The following C1GALT1C1L variants were observed in gnomAD, a reference collection of about 807,000 sequenced individuals.
C1GALT1C1L encodes the protein C1GALT1-specific chaperone 1-like protein.
Under a neutral mutation model 0.5 loss-of-function variants are expected in C1GALT1C1L, and 1 was observed. The ratio of observed to expected loss-of-function variants is 2.11; its 90% CI spans 0.75 to 10.02. C1GALT1C1L has a LOEUF of 10.02. Ranked by LOEUF, C1GALT1C1L falls within the 30% of genes most tolerant of loss-of-function variation. The probability of loss-of-function intolerance (pLI) is 0.13; values close to 1 mark genes in which losing one functional copy is unlikely to be tolerated. For missense variants in C1GALT1C1L, 444 were observed against 375.5 expected (o/e 1.18, Z -1.51); for synonymous variants, 148 against 132.6 (o/e 1.12, Z -0.80).
chr2:43,675,253 G>A lies in C1GALT1C1L; in HGVS notation c.*122C>T. The A allele has an allele frequency of 1.7e-6, 1 of 582,098 alleles. No homozygotes were observed. Among genetic ancestry groups the A allele is most frequent in the Non-Finnish European group, 2.8e-6 (1 of 354,504 alleles). 36.1% of individuals were successfully genotyped at this position (582,098 alleles called of 1,614,324 possible). Reference sequence around the variant, plus strand: ...CTGAGATGTTTTACATCTTCATACTGTTTTCTAATAATATATGAATTATTG... The same window carrying A: ...CTGAGATGTTTTACATCTTCATACTATTTTCTAATAATATATGAATTATTG... On this transcript the variant is annotated 3_prime_UTR_variant, in exon 1 of 1. Coordinates refer to ENST00000475092, the MANE Select transcript of C1GALT1C1L (RefSeq NM_001101330.3).
At chr2:43,676,222 CTG>C in the C1GALT1C1L span, 2 of 1,614,006 alleles carry the variant, frequency 1.2e-6, no homozygotes, top group Non-Finnish European at 1.7e-6. Context: ...AGTTTGACCT[CTG>C]TGTCGAATGT....
In C1GALT1C1L at chr2:43,676,194, A is replaced by G. The variant is rs1667772838; in HGVS notation, c.129T>C (p.His43=). 3.1e-6 allele frequency: 5 copies of G among 1,613,874 alleles called. No homozygotes were observed. Among genetic ancestry groups the G allele is most frequent in the African/African-American group, 2.7e-5 (2 of 74,912 alleles). Residue 43 remains histidine, a synonymous_variant, in exon 1 of 1, where the codon CAT becomes CAC. Transcript: ENST00000475092. ...CGTTCCTGTTAGGTGGACGAAGGTG[A>G]TGGTGCTCGTGGTCTTGAGTTTGAC... ...HRGQTQDHEH[H]HLRPPNRNDF...
At position 43,675,920 on chromosome 2, in the gene C1GALT1C1L, A is replaced by G. The variant is rs768917810; in HGVS notation, c.403T>C (p.Tyr135His). 1.9e-6 allele frequency: 3 copies of G among 1,614,068 alleles called. No individual in the cohort carries two copies. The highest frequency in any genetic ancestry group is 2.2e-5 in the East Asian group (1 of 44,880). Residue 135 changes from tyrosine (Y) to histidine (H), a missense_variant, in exon 1 of 1, where the codon TAC becomes CAC. By Grantham distance (83) the Tyr-to-His change is moderately conservative. Transcript: ENST00000475092. ...KYVFEKYGDN[Y>H]NWFFLALPTT... Reference sequence around the variant, plus strand: ...GGAAGTGCAAGGAAGAACCAGTTGTAGTTGTCACCATACTTTTCAAAGACG... The same window carrying G: ...GGAAGTGCAAGGAAGAACCAGTTGTGGTTGTCACCATACTTTTCAAAGACG...
Position 43,675,329 on chromosome 2 carries a change from C to A in C1GALT1C1L, c.*46G>T. On this transcript the variant is annotated 3_prime_UTR_variant, in exon 1 of 1. Coordinates refer to ENST00000475092, the MANE Select transcript of C1GALT1C1L (RefSeq NM_001101330.3). ...ACTGTATCAGAATTTGGACTAGCCA[C>A]ATTTCAAGTGCTCTTGGACAGCACA... The A allele has an allele frequency of 7.3e-7, 1 of 1,362,120 alleles. No individual in the cohort carries two copies. Among genetic ancestry groups the A allele is most frequent in the Non-Finnish European group, 9.9e-7 (1 of 1,012,584 alleles). 84.4% of individuals were successfully genotyped at this position (1,362,120 alleles called of 1,614,324 possible). A position where few individuals can be genotyped will look rare whatever the true frequency, so the allele number is the denominator to read the frequency against.
Position 43,675,834 on chromosome 2 carries a change from C to T in C1GALT1C1L, c.489G>A (p.Gln163=). 6.2e-7 allele frequency: 1 copy of T among 1,613,984 alleles called. No homozygotes were observed. Among genetic ancestry groups the T allele is most frequent in the South Asian group, 1.1e-5 (1 of 91,076 alleles). ...TAACAGTGTGGCCCAGATAGAAGGG[C>T]TGGGATGCATCCCTTGTAAACAAAA... The part of the protein sequence containing the change: ...KYLLFTRDAS[Q]PFYLGHTVIF... The change falls in exon 1 of 1, where the codon CAG becomes CAA. Residue 163 remains glutamine (Q), a synonymous_variant. Transcript: ENST00000475092.
Position 43,675,933 on chromosome 2 carries a change from C to G in C1GALT1C1L, c.390G>C (p.Lys130Asn). The G allele has an allele frequency of 1.2e-6, 2 of 1,613,994 alleles. No homozygotes were observed. Among genetic ancestry groups the G allele is most frequent in the South Asian group, 1.1e-5 (1 of 91,066 alleles). Residue 130 changes from lysine (K) to asparagine (N), a missense_variant, in exon 1 of 1, where the codon AAG becomes AAC. Lys to Asn is a moderately conservative substitution (Grantham distance 94). Transcript: ENST00000475092. ...AGAACCAGTTGTAGTTGTCACCATACTTTTCAAAGACGTATTTGTAAGCGG... is the reference window on the plus strand; with the variant it reads ...AGAACCAGTTGTAGTTGTCACCATAGTTTTCAAAGACGTATTTGTAAGCGG... Reference protein sequence around the residue: ...MRTAYKYVFEKYGDNYNWFFL... With the variant: ...MRTAYKYVFENYGDNYNWFFL...
chr2:43,675,694 A>G lies in C1GALT1C1L; in HGVS notation c.629T>C (p.Val210Ala), dbSNP rs778008655. The change falls in exon 1 of 1, where the codon GTG (valine) becomes GCG (alanine). Residue 210 changes from valine to alanine, a missense_variant. Coordinates refer to ENST00000475092, the MANE Select transcript of C1GALT1C1L (RefSeq NM_001101330.3). ...DNSETCADQS[V>A]IWKLSEDKQL... is the part of the protein sequence containing the mutation. Reference sequence around the variant, plus strand: ...CTTATCTTCAGATAACTTCCAAATCACACTTTGATCTGCACAGGTCTCAGA... The same window carrying G: ...CTTATCTTCAGATAACTTCCAAATCGCACTTTGATCTGCACAGGTCTCAGA... 1 of 1,613,876 alleles carries G rather than the reference A, an allele frequency of 6.2e-7. No homozygotes were observed. The highest frequency in any genetic ancestry group is 8.5e-7 in the Non-Finnish European group (1 of 1,179,878).
chr2:43,675,249 T>C lies in C1GALT1C1L; in HGVS notation c.*126A>G, dbSNP rs1292482773. On this transcript the variant is annotated 3_prime_UTR_variant, in exon 1 of 1. Transcript: ENST00000475092. ...ATTACTGAGATGTTTTACATCTTCA[T>C]ACTGTTTTCTAATAATATATGAATT... 1.8e-6 allele frequency: 1 copy of C among 559,104 alleles called. No individual in the cohort carries two copies. Among genetic ancestry groups the C allele is most frequent in the Non-Finnish European group, 3.0e-6 (1 of 336,286 alleles). The allele number at this position is 559,104 out of a possible 1,614,324, so 34.6% of individuals were successfully genotyped here. A position where few individuals can be genotyped will look rare whatever the true frequency, so the allele number is the denominator to read the frequency against.
At position 43,675,575 on chromosome 2, in the gene C1GALT1C1L, G is replaced by C; in HGVS notation, c.748C>G (p.Gln250Glu). 2 of 1,613,692 alleles carry C rather than the reference G, an allele frequency of 1.2e-6. No individual in the cohort carries two copies. The highest frequency in any genetic ancestry group is 1.7e-6 in the Non-Finnish European group (2 of 1,179,756). Reference sequence around the variant, plus strand: ...TTAGACAATGCCTCTTCAATAAGCTGTGCGATTGGTTTTGTATTAAATACA... The same window carrying C: ...TTAGACAATGCCTCTTCAATAAGCTCTGCGATTGGTTTTGTATTAAATACA... ...RDVFNTKPIA[Q>E]LIEEALSNNP... Residue 250 changes from glutamine to glutamate, a missense_variant, in exon 1 of 1, where the codon CAG (glutamine) becomes GAG (glutamate). Coordinates refer to ENST00000475092, the MANE Select transcript of C1GALT1C1L (RefSeq NM_001101330.3).
the C1GALT1C1L span, chr2:43,675,861 G>T: frequency 6.2e-7 from 1 of 1,614,032 alleles, no homozygotes; most frequent in East Asian, 2.2e-5. Context: ...TAAACAAAAG[G>T]TACTTTAAAT....
chr2:43,675,847 C>T lies in C1GALT1C1L; in HGVS notation c.476G>A (p.Arg159Lys), dbSNP rs750900096. ...CAGATAGAAGGGCTGGGATGCATCC[C>T]TTGTAAACAAAAGGTACTTTAAATT... ...IENLKYLLFT[R>K]DASQPFYLGH... The change falls in exon 1 of 1, where the codon AGG becomes AAG. Residue 159 changes from arginine to lysine, a missense_variant. Arg to Lys is a conservative substitution (Grantham distance 26). Coordinates refer to ENST00000475092, the MANE Select transcript of C1GALT1C1L (RefSeq NM_001101330.3). 16 of 1,613,918 alleles carry T rather than the reference C, an allele frequency of 9.9e-6. No homozygotes were observed. Among genetic ancestry groups the T allele is most frequent in the Non-Finnish European group, 1.4e-5 (16 of 1,179,944 alleles).
rs753652351 is a variant in C1GALT1C1L at position 43,676,176 on chromosome 2, G to T, written c.147C>A (p.Asn49Lys). The change falls in exon 1 of 1, where the codon AAC becomes AAA. Residue 49 changes from asparagine (N) to lysine (K), a missense_variant. By Grantham distance (94) the Asn-to-Lys change is moderately conservative. Coordinates refer to ENST00000475092, the MANE Select transcript of C1GALT1C1L (RefSeq NM_001101330.3). ...TTGAAGTGTTTAAGAAATCGTTCCT[G>T]TTAGGTGGACGAAGGTGATGGTGCT... ...DHEHHHLRPP[N>K]RNDFLNTSKV... 1 of 1,614,018 alleles carries T rather than the reference G, an allele frequency of 6.2e-7. No homozygotes were observed.
rs1459469538 is a variant in C1GALT1C1L at position 43,675,739 on chromosome 2, A to C, written c.584T>G (p.Leu195Arg). 6.2e-7 allele frequency: 1 copy of C among 1,613,862 alleles called. No individual in the cohort carries two copies. Among genetic ancestry groups the C allele is most frequent in the Non-Finnish European group, 8.5e-7 (1 of 1,179,862 alleles). Residue 195 changes from leucine to arginine, a missense_variant, in exon 1 of 1, where the codon CTT becomes CGT. Coordinates refer to ENST00000475092, the MANE Select transcript of C1GALT1C1L (RefSeq NM_001101330.3). The stretch of plus-strand genomic sequence containing the variant: ...CTCAGAGTTATCGAGAAGTCTGTTA[A>C]GTCTTTTCATCAACTCTCTGCTTAA... ...IVLSRELMKRLNRLLDNSETC... is the reference protein window; with the variant it reads ...IVLSRELMKRRNRLLDNSETC...
At position 43,675,377 on chromosome 2, in the gene C1GALT1C1L, A is replaced by C. The variant is rs1667696164; in HGVS notation, c.946T>G (p.Ter316GlyextTer14). 3 of 1,574,838 alleles carry C rather than the reference A, an allele frequency of 1.9e-6. No individual in the cohort carries two copies. Among genetic ancestry groups the C allele is most frequent in the Admixed American group, 3.6e-5 (2 of 54,936 alleles). ...FLPPVGSEND[*>G] ...ACAGGTCTATTATTCTCCAGGCCTC[A>C]GTCATTTTCTGAACCAACTGGAGGC... The change falls in exon 1 of 1, where the codon TGA (stop) becomes GGA (glycine). Residue 316 changes from the stop codon to glycine (G), a stop_lost. Coordinates refer to ENST00000475092, the MANE Select transcript of C1GALT1C1L (RefSeq NM_001101330.3).
chr2:43,675,292 T>G lies in C1GALT1C1L; in HGVS notation c.*83A>C. ...TATGAATTATTGAATGAAGTACGTA[T>G]TTTACACTTACACTGTATCAGAATT... On this transcript the variant is annotated 3_prime_UTR_variant, in exon 1 of 1. Coordinates refer to ENST00000475092, the MANE Select transcript of C1GALT1C1L (RefSeq NM_001101330.3). 2.3e-6 allele frequency: 2 copies of G among 864,302 alleles called. No individual in the cohort carries two copies. Among genetic ancestry groups the G allele is most frequent in the Non-Finnish European group, 3.4e-6 (2 of 585,466 alleles). 53.5% of individuals were successfully genotyped at this position (864,302 alleles called of 1,614,324 possible).
At chr2:43,675,855 CA>C in the C1GALT1C1L span, 1 of 1,614,038 alleles carries the variant, frequency 6.2e-7, no homozygotes, top group South Asian at 1.1e-5. Context: ...CCCTTGTAAA[CA>C]AAAGGTACTT....
In C1GALT1C1L at chr2:43,676,280, G is replaced by C; in HGVS notation, c.43C>G (p.Leu15Val). The C allele has an allele frequency of 6.2e-7, 1 of 1,613,108 alleles. No homozygotes were observed. The highest frequency in any genetic ancestry group is 8.5e-7 in the Non-Finnish European group (1 of 1,179,602). Residue 15 changes from leucine to valine, a missense_variant, in exon 1 of 1, where the codon CTT becomes GTT. Physicochemically the swap from Leu to Val is conservative, Grantham distance 32. Transcript: ENST00000475092. ...ATCAAAACCCAGGAAATGCTCCCAA[G>C]CAACATACCCTTAAAAAATGATGTC... Reference protein sequence around the residue: ...SGTSFFKGMLLGSISWVLITM... With the variant: ...SGTSFFKGMLVGSISWVLITM...
At position 43,675,839 on chromosome 2, in the gene C1GALT1C1L, A is replaced by T. The variant is rs1175271554; in HGVS notation, c.484T>A (p.Ser162Thr). The T allele has an allele frequency of 1.2e-6, 2 of 1,614,028 alleles. No homozygotes were observed. The highest frequency in any genetic ancestry group is 1.7e-5 in the Admixed American group (1 of 60,026). ...LKYLLFTRDA[S>T]QPFYLGHTVI... ...GTGTGGCCCAGATAGAAGGGCTGGG[A>T]TGCATCCCTTGTAAACAAAAGGTAC... Residue 162 changes from serine to threonine, a missense_variant, in exon 1 of 1, where the codon TCC becomes ACC. Coordinates refer to ENST00000475092, the MANE Select transcript of C1GALT1C1L (RefSeq NM_001101330.3).
At chr2:43,675,854 AC>A in the C1GALT1C1L span, 1 of 1,614,076 alleles carries the variant, frequency 6.2e-7, no homozygotes, top group Non-Finnish European at 8.5e-7. Context: ...TCCCTTGTAA[AC>A]AAAAGGTACT....
Sources: allele counts gnomAD v4.1 joint callset, GRCh38; gene constraint gnomAD v4.1.1; transcripts MANE v1.5; gene names NCBI Gene and HGNC (gene_info 2026-07-23, HGNC 2026-07-21).